The following SBF2 variants were observed in gnomAD, a reference collection of about 807,000 sequenced individuals.
The protein encoded by SBF2 is SET binding factor 2.
Under a neutral mutation model 225.2 loss-of-function variants are expected in SBF2, and 112 were observed. The observed-to-expected ratio is 0.50, with a 90% CI of 0.43 to 0.58. The LOEUF is 0.58. Among genes scored for constraint, SBF2 ranks in the 20% least tolerant of loss-of-function variants. SBF2 has a pLI of 0.00. For synonymous variants in SBF2, 763 were observed against 773.3 expected (o/e 0.99, Z 0.22); for missense variants, 1,996 against 2,206.2 (o/e 0.90, Z 1.91).
chr11:9,991,777 G>C (rs1457051255), intron 12 of SBF2, among the ~76,000 whole-genome samples: 3 of 152,048 alleles, frequency 2.0e-5, no homozygotes, highest in Non-Finnish European at 4.4e-5. Flanking sequence ...ACAAAAATTT[G>C]TCTTCCATAT....
At chr11:10,004,166 T>G (rs16907368) in intron 6 of SBF2, among the ~76,000 whole-genome samples, 5,078 of 152,100 alleles carry the variant, frequency 0.033, 310 homozygotes, top group East Asian at 0.18. Context: ...AAATCTACCC[T>G]CCAGATAGTT....
intron 14 of SBF2, among the ~76,000 whole-genome samples, chr11:9,967,690 C>A (rs1232533266): frequency 6.6e-6 from 1 of 151,972 alleles, no homozygotes; most frequent in East Asian, 1.9e-4. Flanking sequence ...CCAAGGTGGG[C>A]GGATCACCTG....
chr11:9,968,202 C>T, intron 14 of SBF2, 139 bp downstream of exon 14: 1 of 749,242 alleles, frequency 1.3e-6, no homozygotes, highest in Non-Finnish European at 2.3e-6. Context: ...GAAACAGTTT[C>T]TGAGTATTGA....
chr11:9,921,657 T>C (rs566751803), intron 16 of SBF2, among the ~76,000 whole-genome samples: 7 of 152,344 alleles, frequency 4.6e-5, no homozygotes, highest in African/African-American at 1.7e-4. Context: ...TGTCGCCACA[T>C]TTTTAAGATT....
At chr11:9,987,840 C>CA (rs1331718335) in intron 13 of SBF2, among the ~76,000 whole-genome samples, 4 of 151,948 alleles carry the variant, frequency 2.6e-5, no homozygotes, top group East Asian at 1.9e-4. Context: ...ATGACCATAC[C>CA]ACTGAAAGCA....
intron 12 of SBF2, among the ~76,000 whole-genome samples, 194 bp downstream of exon 12, chr11:9,992,221 C>T (rs1947469783): frequency 1.3e-5 from 2 of 152,084 alleles, no homozygotes; most frequent in Middle Eastern, 3.4e-3. Context: ...ATTTCCAAGG[C>T]ATCTTATAAT....
chr11:9,856,151 A>G (rs932880413), intron 19 of SBF2, among the ~76,000 whole-genome samples: 2 of 152,188 alleles, frequency 1.3e-5, no homozygotes, highest in African/African-American at 4.8e-5. Flanking sequence ...GGTGCTCACT[A>G]ATTTCTTTGG....
intron 4 of SBF2, among the ~76,000 whole-genome samples, chr11:10,030,519 A>C (rs922751466): frequency 6.6e-6 from 1 of 152,206 alleles, no homozygotes; most frequent in African/African-American, 2.4e-5. Flanking sequence ...AGTTTTACAG[A>C]AATTGTATCT....
chr11:9,869,635 T>G (rs951156379), intron 17 of SBF2, among the ~76,000 whole-genome samples: 8 of 152,216 alleles, frequency 5.3e-5, no homozygotes, highest in Admixed American at 2.0e-4. Flanking sequence ...GAAAAGACCT[T>G]TGATAAAATT....
At chr11:10,097,243 G>C (rs1181182169) in intron 2 of SBF2, among the ~76,000 whole-genome samples, 1 of 152,220 alleles carries the variant, frequency 6.6e-6, no homozygotes, top group Non-Finnish European at 1.5e-5. Flanking sequence ...TGACAACAGA[G>C]AACAAGCCAT....
At chr11:9,785,104 G>C (rs377475105) in intron 37 of SBF2, 21 bp downstream of exon 37, 3 of 1,610,914 alleles carry the variant, frequency 1.9e-6, no homozygotes, top group South Asian at 1.1e-5. Flanking sequence ...TCAGCACAGC[G>C]AGCAGGGTTC....
chr11:10,269,865 G>A (rs913604141), intron 1 of SBF2, among the ~76,000 whole-genome samples: 5 of 152,090 alleles, frequency 3.3e-5, no homozygotes, highest in African/African-American at 1.2e-4. Context: ...GGTTTGAAAT[G>A]ATCCTCCCAC....
chr11:10,007,712 C>T (rs1229931111), intron 6 of SBF2, among the ~76,000 whole-genome samples: 1 of 152,128 alleles, frequency 6.6e-6, no homozygotes, highest in Non-Finnish European at 1.5e-5. Flanking sequence ...AACCCCACTG[C>T]CCCTTCTACC....
At chr11:10,160,976 C>T (rs1450006784) in intron 2 of SBF2, among the ~76,000 whole-genome samples, 1 of 151,992 alleles carries the variant, frequency 6.6e-6, no homozygotes, top group Non-Finnish European at 1.5e-5. Flanking sequence ...CACTTGAGGC[C>T]AGGAGTTCGA....
intron 13 of SBF2, among the ~76,000 whole-genome samples, chr11:9,984,208 A>G (rs960861153): frequency 3.3e-5 from 5 of 152,236 alleles, no homozygotes; most frequent in African/African-American, 1.2e-4. Flanking sequence ...AGAAATATTC[A>G]TAGAAATAGA....
At chr11:10,095,058 G>T (rs762290148) in intron 2 of SBF2, among the ~76,000 whole-genome samples, 11 of 151,912 alleles carry the variant, frequency 7.2e-5, no homozygotes, top group South Asian at 6.2e-4. Flanking sequence ...GAGTAGCTGG[G>T]ACTATACAGG....
Position 9,808,669 on chromosome 11 carries a change from G to A in SBF2, c.4257+232C>T. On this transcript the variant is annotated intron_variant, in intron 31 of 39. Transcript: ENST00000256190. ...AAGGGCTCCATCCGCAAGCCTGCAT[G>A]GTACATCTGTGGATGGGAGAGCTTG... The A allele has an allele frequency of 6.4e-6, 3 of 466,974 alleles. No homozygotes were observed. The South Asian group carries it at 6.6e-5, about 10-fold the overall frequency. The allele number at this position is 466,974 out of a possible 1,614,324, so 28.9% of individuals were successfully genotyped here.
intron 2 of SBF2, among the ~76,000 whole-genome samples, chr11:10,071,908 T>C (rs1403606780): frequency 5.3e-5 from 8 of 152,206 alleles, no homozygotes; most frequent in African/African-American, 9.6e-5. Flanking sequence ...CAGTATTTTA[T>C]TGAGGATTTT....
chr11:9,914,541 A>C (rs1229829428), intron 16 of SBF2, among the ~76,000 whole-genome samples: 1 of 152,220 alleles, frequency 6.6e-6, no homozygotes, highest in Non-Finnish European at 1.5e-5. Flanking sequence ...AAATATGTCA[A>C]AACGGACCAG....
Sources: allele counts gnomAD v4.1 joint callset (sites outside exome capture counted in the v4.1 genomes callset), GRCh38; gene constraint gnomAD v4.1.1; transcripts MANE v1.5; gene names NCBI Gene and HGNC (gene_info 2026-07-23, HGNC 2026-07-21).